MBP: variants seen among roughly 807,000 people sequenced by gnomAD.
The protein encoded by MBP is myelin basic protein, also known as Golli-MBP.
In MBP, 16 loss-of-function variants were observed where a neutral mutation model predicts 35.8. The ratio of observed to expected loss-of-function variants is 0.45; its 90% CI spans 0.30 to 0.68. The LOEUF is 0.68. MBP is among the 30% of genes least tolerant of loss of function. The pLI is 0.08. For missense variants in MBP, 380 were observed against 404.7 expected (o/e 0.94, Z 0.52); for synonymous variants, 143 against 159.6 (o/e 0.90, Z 0.78).
At position 77,073,401 on chromosome 18, in the gene MBP, G is replaced by T. The variant is rs560672210; in HGVS notation, c.52-7016C>A. On this transcript the variant is annotated intron_variant, in intron 2 of 8. Transcript: ENST00000355994. ...ATTCCTGGGTCAGAGACAAAGGGTG[G>T]GTTATTATTCACAGCAGTAGCAACA... Among the ~76,000 whole-genome samples, 3 of 152,276 alleles carry T rather than the reference G, an allele frequency of 2.0e-5. No homozygotes were observed. In the East Asian group the frequency reaches 5.8e-4, roughly 29 times the overall value.
chr18:77,084,088 ATTTGGAACCACATGTTGGAGGGAAC>A (rs1975096496), intron 2 of MBP, among the ~76,000 whole-genome samples: 1 of 152,056 alleles, frequency 6.6e-6, no homozygotes, highest in South Asian at 2.1e-4. Flanking sequence ...TTGAAAGGGC[ATTTGGAACCACATGTTGGAGGGAAC>A]TCAGGAAGCC....
Position 77,054,830 on chromosome 18 carries a change from T to C in MBP, c.139+11468A>G, listed in dbSNP as rs1165448394. 2.0e-5 allele frequency among the ~76,000 whole-genome samples: 3 copies of C among 152,262 alleles called. No individual in the cohort carries two copies. The East Asian group carries it at 5.8e-4, about 29-fold the overall frequency. On this transcript the variant is annotated intron_variant, in intron 3 of 8. Transcript: ENST00000355994. The stretch of plus-strand genomic sequence containing the variant: ...ACACATCTCAAGTTCCAGTTCCTGT[T>C]AGCGGTGGGTAATGTCACCATGCAC...
At chr18:77,087,478 C>G (rs577669412) in intron 2 of MBP, 1 of 152,268 alleles carries the variant, frequency 6.6e-6, no homozygotes, top group Non-Finnish European at 1.5e-5. Flanking sequence ...AGCCCTAGAC[C>G]GGATCCCAGG....
chr18:77,129,565 T>C (rs374631606), intron 1 of MBP, among the ~76,000 whole-genome samples: 25 of 152,322 alleles, frequency 1.6e-4, no homozygotes, highest in African/African-American at 5.5e-4. Flanking sequence ...AGATTTAAAA[T>C]CTCCTGTAGA....
chr18:76,983,530 C>T (rs1282797152), intron 8 of MBP: 1 of 152,172 alleles, frequency 6.6e-6, no homozygotes, highest in Non-Finnish European at 1.5e-5. Context: ...GGCCCTGAGA[C>T]TTGAATATTT....
intron 2 of MBP, among the ~76,000 whole-genome samples, chr18:77,093,621 G>GA (rs1215955282): frequency 1.3e-5 from 2 of 152,170 alleles, no homozygotes; most frequent in Non-Finnish European, 2.9e-5. Flanking sequence ...CTTCCTTCGT[G>GA]AATCTCCTCC....
intron 2 of MBP, among the ~76,000 whole-genome samples, chr18:77,098,168 CTTTTTTTTTT>C (rs3214873): frequency 2.8e-5 from 3 of 108,528 alleles, no homozygotes; most frequent in East Asian, 3.2e-4. Flanking sequence ...CAAGGACTTC[CTTTTTTTTTT>C]TTTTTTTTTT....
At chr18:77,077,639 G>GCCGGC (rs1974718497) in intron 2 of MBP, among the ~76,000 whole-genome samples, 5 of 152,184 alleles carry the variant, frequency 3.3e-5, no homozygotes, top group African/African-American at 1.2e-4. Context: ...TCGATGCTGG[G>GCCGGC]CCGGCCCGGG....
intron 3 of MBP, among the ~76,000 whole-genome samples, chr18:77,023,808 C>T (rs1189757089): frequency 6.6e-6 from 1 of 152,210 alleles, no homozygotes; most frequent in Non-Finnish European, 1.5e-5. Flanking sequence ...GCGTCTTACC[C>T]TCCAGTACCA....
rs1971947921 is a variant in MBP at position 77,020,517 on chromosome 18, C to T, written c.140-3249G>A. ...CTATGACTCATTGCAATGAGAGGTG[C>T]ATGGCGAAGTCCAGGAACCCCTCCT... On this transcript the variant is annotated intron_variant, in intron 3 of 8. Transcript: ENST00000355994. This position sits in a 1 kb window ranked among gnomAD's most constrained non-coding sequence, Gnocchi z 4.1. 6.6e-6 allele frequency among the ~76,000 whole-genome samples: 1 copy of T among 152,204 alleles called. No homozygotes were observed.
At chr18:76,981,741 G>A (rs2123041529) in intron 8 of MBP, 1 of 152,394 alleles carries the variant, frequency 6.6e-6, no homozygotes, top group Middle Eastern at 3.4e-3. Context: ...GCCCCTCGAG[G>A]GCCAGCCTCT....
intron 4 of MBP, among the ~76,000 whole-genome samples, chr18:76,991,224 C>T (rs768146285): frequency 1.8e-4 from 27 of 152,040 alleles, no homozygotes; most frequent in Non-Finnish European, 3.7e-4. Context: ...TAAGAGGAAG[C>T]GGAGAGGGAA....
At chr18:77,108,009 G>T (rs999256669) in intron 1 of MBP, among the ~76,000 whole-genome samples, 1 of 152,224 alleles carries the variant, frequency 6.6e-6, no homozygotes, top group Non-Finnish European at 1.5e-5. Context: ...CATCAGAGCC[G>T]TTAGTGGAAA....
At chr18:77,018,754 A>C (rs983559222) in intron 3 of MBP, among the ~76,000 whole-genome samples, 12 of 125,928 alleles carry the variant, frequency 9.5e-5, no homozygotes, top group African/African-American at 3.1e-4. Flanking sequence ...CCACTCATCC[A>C]TCCATCCATC....
In MBP at chr18:77,066,352, T is replaced by A; in HGVS notation, c.85A>T (p.Lys29Ter). The A allele has an allele frequency of 6.2e-7, 1 of 1,613,926 alleles. No individual in the cohort carries two copies. The highest frequency in any genetic ancestry group is 8.5e-7 in the Non-Finnish European group (1 of 1,179,770). ...CGTGAAAGTTCACCCAGGTTTCTCTTTTTTTCAGATTCTCCTCTGTTAGTT... is the reference window on the plus strand; with the variant it reads ...CGTGAAAGTTCACCCAGGTTTCTCTATTTTTCAGATTCTCCTCTGTTAGTT... ...SETNRGESEKKRNLGELSRTT... is the reference protein window; with the variant it reads ...SETNRGESEK The change falls in exon 3 of 9, where the codon AAG (lysine) becomes TAG (stop). Residue 29 changes from lysine (K) to a stop codon, truncating the protein, a stop_gained. Transcript: ENST00000355994. LOFTEE classifies it high-confidence loss of function.
intron 2 of MBP, among the ~76,000 whole-genome samples, chr18:77,070,507 T>C (rs1974396220): frequency 6.6e-6 from 1 of 152,154 alleles, no homozygotes; most frequent in Admixed American, 6.5e-5. Context: ...CCACGTATGG[T>C]GAAAGATGAC....
chr18:77,079,470 T>C (rs971255304), intron 2 of MBP, among the ~76,000 whole-genome samples: 13 of 152,194 alleles, frequency 8.5e-5, no homozygotes, highest in Admixed American at 6.5e-4. Flanking sequence ...CTCTCAAAGG[T>C]AAATTCTCTC....
chr18:76,984,415 A>C, intron 8 of MBP: 2 of 260,532 alleles, frequency 7.7e-6, no homozygotes, highest in Non-Finnish European at 1.5e-5. Flanking sequence ...CCCGACACCC[A>C]CGTCTGCTTG....
intron 4 of MBP, chr18:77,013,172 A>G: frequency 1.0e-6 from 1 of 985,422 alleles, no homozygotes; most frequent in East Asian, 1.1e-4. Flanking sequence ...AAACAAATGC[A>G]CCCTCCACAT....
Sources: allele counts gnomAD v4.1 joint callset (sites outside exome capture counted in the v4.1 genomes callset), GRCh38; gene constraint gnomAD v4.1.1; non-coding constraint Gnocchi (gnomAD v3.1); transcripts MANE v1.5; gene names NCBI Gene and HGNC (gene_info 2026-07-23, HGNC 2026-07-21).